UTRN: variants seen among roughly 807,000 people sequenced by gnomAD.
UTRN encodes dystrophin-related protein 1.
In UTRN, 283 loss-of-function variants were observed where a neutral mutation model predicts 463.9. The observed-to-expected ratio is 0.61, with a 90% CI of 0.55 to 0.67. The LOEUF is 0.67. Ranked by LOEUF, UTRN falls within the 30% of genes least tolerant of loss-of-function variation. UTRN has a pLI of 0.00. For missense variants in UTRN, 3,922 were observed against 4,084.3 expected, an observed-to-expected ratio of 0.96 and a Z score of 1.08; for synonymous variants, 1,442 against 1,431.5, an observed-to-expected ratio of 1.01 and a Z score of -0.17.
chr6:144,617,334 C>T (rs1418234755), intron 51 of UTRN, among the ~76,000 whole-genome samples: 1 of 152,176 alleles, frequency 6.6e-6, no homozygotes, highest in Non-Finnish European at 1.5e-5. Flanking sequence ...CCCATCCAAT[C>T]CCTGCTATCA....
rs139552006 is a variant in UTRN, at chr6:144,434,715, G to T, written c.856-1220G>T. On this transcript the variant is annotated intron_variant, in intron 9 of 74. Transcript: ENST00000367545. ...TACAGTGGGGAGAAAAAAGAGCCTAGAACTTAATTTTGAGGAGATTCATTA... is the reference window on the plus strand; with the variant it reads ...TACAGTGGGGAGAAAAAAGAGCCTATAACTTAATTTTGAGGAGATTCATTA... Among the ~76,000 whole-genome samples the T allele has an allele frequency of 4.8e-3, 738 of 152,252 alleles. 1 individual carries two copies. The highest frequency in any genetic ancestry group is 0.01 in the Middle Eastern group (3 of 294).
intron 51 of UTRN, among the ~76,000 whole-genome samples, chr6:144,634,379 G>A (rs1413610371): frequency 5.3e-5 from 8 of 152,174 alleles, no homozygotes; most frequent in Non-Finnish European, 4.4e-5. Flanking sequence ...GGTTAGCGTT[G>A]CCATGTGGGT....
chr6:144,380,949 C>T (rs564902499), intron 2 of UTRN, among the ~76,000 whole-genome samples: 4 of 152,266 alleles, frequency 2.6e-5, no homozygotes, highest in African/African-American at 9.6e-5. Context: ...AGAAGTGAGG[C>T]ACCTTGCCCT....
rs1321466818 is a variant in UTRN, at chr6:144,393,002, T to G, written c.80-10121T>G. On this transcript the variant is annotated intron_variant, in intron 2 of 74. Transcript: ENST00000367545. ...GGCAAGGCTTTGTGTCCAGCTGCCA[T>G]CCATCCATCCATCCATCCATCCATC... 1.2e-4 allele frequency among the ~76,000 whole-genome samples: 6 copies of G among 51,278 alleles called. No homozygotes were observed. In the African/African-American group the frequency reaches 1.5e-3, roughly 13 times the overall value. The allele number at this position is 51,278 out of a possible 152,430, so 33.6% of individuals were successfully genotyped here.
At chr6:144,514,121 T>A in intron 36 of UTRN, 84 bp downstream of exon 36, 1 of 1,530,720 alleles carries the variant, frequency 6.5e-7, no homozygotes, top group South Asian at 1.2e-5. Flanking sequence ...TCTAAGTTAC[T>A]TAGCTCTCAT....
At position 144,548,866 on chromosome 6, in the gene UTRN, G is replaced by A. The variant is rs780403517; in HGVS notation, c.6810+12G>A. On this transcript the variant is annotated intron_variant, in intron 47 of 74. Transcript: ENST00000367545. ...TTTCCCGAATGAAAGTAGGTGCATAGTGTAAAAGCTTGTCATGGAAACGCC... is the reference window on the plus strand; with the variant it reads ...TTTCCCGAATGAAAGTAGGTGCATAATGTAAAAGCTTGTCATGGAAACGCC... 33 of 1,612,288 alleles carry A rather than the reference G, an allele frequency of 2.0e-5. No homozygotes were observed. Among genetic ancestry groups the A allele is most frequent in the Non-Finnish European group, 2.8e-5 (33 of 1,179,142 alleles).
intron 56 of UTRN, among the ~76,000 whole-genome samples, 180 bp from the exon 57 acceptor site, chr6:144,754,540 T>TTC (rs2128724791): frequency 6.6e-6 from 1 of 151,252 alleles, no homozygotes; most frequent in East Asian, 1.9e-4. Flanking sequence ...TCTTTTTTTT[T>TTC]TTTTTTTTTT....
intron 51 of UTRN, among the ~76,000 whole-genome samples, chr6:144,653,244 A>T (rs558667085): frequency 3.3e-5 from 5 of 152,200 alleles, no homozygotes; most frequent in South Asian, 4.1e-4. Flanking sequence ...TATACATAGG[A>T]TATGTACGTG....
At chr6:144,724,073 T>TA (rs1319079063) in intron 53 of UTRN, among the ~76,000 whole-genome samples, 1 of 151,120 alleles carries the variant, frequency 6.6e-6, no homozygotes, top group African/African-American at 2.4e-5. Context: ...TTGTTTTGTG[T>TA]AAAAAACAGA....
chr6:144,816,409 C>T (rs1779081175), intron 65 of UTRN, among the ~76,000 whole-genome samples: 1 of 152,022 alleles, frequency 6.6e-6, no homozygotes, highest in South Asian at 2.1e-4. Flanking sequence ...AAAGTTTTGC[C>T]TGGAAGCGGC....
At chr6:144,497,505 T>G (rs1793768163) in intron 33 of UTRN, among the ~76,000 whole-genome samples, 1 of 138,446 alleles carries the variant, frequency 7.2e-6, no homozygotes, top group Admixed American at 7.2e-5. Context: ...CAAAAACCCG[T>G]CTCTACTCAA....
intron 51 of UTRN, among the ~76,000 whole-genome samples, chr6:144,597,448 C>G (rs1803775384): frequency 1.3e-5 from 2 of 152,132 alleles, no homozygotes; most frequent in African/African-American, 4.8e-5. Context: ...TTATATTTTA[C>G]TAATTCCTGT....
At chr6:144,430,902 G>A (rs554949915) in intron 9 of UTRN, among the ~76,000 whole-genome samples, 10 of 151,224 alleles carry the variant, frequency 6.6e-5, no homozygotes, top group South Asian at 2.1e-4. Context: ...TATTTCCCCC[G>A]TTTCAAAAAT....
intron 34 of UTRN, among the ~76,000 whole-genome samples, chr6:144,502,231 T>C (rs1794257135): frequency 6.6e-6 from 1 of 152,124 alleles, no homozygotes; most frequent in Admixed American, 6.6e-5. Flanking sequence ...CATTTAATTA[T>C]TCACTTTTTT....
intron 54 of UTRN, among the ~76,000 whole-genome samples, chr6:144,743,293 A>C (rs1025141606): frequency 3.9e-5 from 6 of 152,248 alleles, no homozygotes; most frequent in Non-Finnish European, 8.8e-5. Flanking sequence ...AGAAAAAAAC[A>C]CCATACATAT....
intron 51 of UTRN, among the ~76,000 whole-genome samples, chr6:144,635,123 T>G (rs969128073): frequency 6.7e-6 from 1 of 149,642 alleles, no homozygotes; most frequent in Non-Finnish European, 1.5e-5. Flanking sequence ...ATCTAAAACC[T>G]CCAGTTATTT....
In UTRN at chr6:144,490,911, T is replaced by G. The variant is rs374439230; in HGVS notation, c.4264-18T>G. 1.9e-4 allele frequency: 296 copies of G among 1,559,818 alleles called. 1 individual carries two copies. The highest frequency in any genetic ancestry group is 2.2e-4 in the Non-Finnish European group (258 of 1,151,100). ...AATCATCCTGATGGGAATTGCATATTTTCATTTCTGCAAACAGAGGAAACT... is the reference window on the plus strand; with the variant it reads ...AATCATCCTGATGGGAATTGCATATGTTCATTTCTGCAAACAGAGGAAACT... On this transcript the variant is annotated intron_variant, in intron 31 of 74. Transcript: ENST00000367545.
At chr6:144,633,386 C>T (rs1449881693) in intron 51 of UTRN, among the ~76,000 whole-genome samples, 5 of 152,114 alleles carry the variant, frequency 3.3e-5, no homozygotes, top group Admixed American at 6.5e-5. Flanking sequence ...CCTGCAACCA[C>T]GCCCGGCTAA....
chr6:144,700,057 G>GTTA lies in UTRN; in HGVS notation c.7653-13_7653-11dup, dbSNP rs140389119. On this transcript the variant is annotated intron_variant, in intron 52 of 74. Transcript: ENST00000367545. ...AATGTAATTTGCATTTCTAAATGTGGTTATTATTATTATTATTATCTCTCA... is the reference window on the plus strand; with the variant it reads ...AATGTAATTTGCATTTCTAAATGTGGTTATTATTATTATTATTATTATCTCTCA... The GTTA allele has an allele frequency of 1.3e-3, 2,057 of 1,543,908 alleles. 4 individuals are homozygous for GTTA. Among genetic ancestry groups the GTTA allele is most frequent in the East Asian group, 0.013 (575 of 44,094 alleles).
Sources: gnomAD v4.1 joint callset for allele counts (sites outside exome capture counted in the v4.1 genomes callset) on GRCh38, gnomAD v4.1.1 for gene constraint, MANE v1.5 for transcripts, NCBI Gene and HGNC (gene_info 2026-07-23, HGNC 2026-07-21) for gene names.